The following RANBP9 variants were observed in gnomAD, a reference collection of about 807,000 sequenced individuals.
The protein encoded by RANBP9 is RAN binding protein 9.
Under a neutral mutation model 84.3 loss-of-function variants are expected in RANBP9, and 15 were observed. The ratio of observed to expected loss-of-function variants is 0.18; its 90% confidence interval spans 0.12 to 0.27. The LOEUF is 0.27. Ranked by LOEUF, RANBP9 falls within the 10% of genes least tolerant of loss-of-function variation. The pLI is 1.00. For missense variants in RANBP9, 809 were observed against 912.8 expected, an observed-to-expected ratio of 0.89 and a Z score of 1.46; for synonymous variants, 392 against 349.6, an observed-to-expected ratio of 1.12 and a Z score of -1.35.
intron 1 of RANBP9, among the ~76,000 whole-genome samples, chr6:13,706,622 G>A (rs1317268887): frequency 6.6e-6 from 1 of 151,652 alleles, no homozygotes; most frequent in African/African-American, 2.4e-5. Context: ...GAACCCGGGA[G>A]GCGGAGGTTG....
intron 4 of RANBP9, among the ~76,000 whole-genome samples, chr6:13,656,359 C>T (rs1432927226): frequency 6.6e-6 from 1 of 150,658 alleles, no homozygotes; most frequent in Admixed American, 6.6e-5. Flanking sequence ...TTTTATAAAA[C>T]AAAAAGCATC....
At chr6:13,708,058 T>G (rs1317693765) in intron 1 of RANBP9, among the ~76,000 whole-genome samples, 1 of 152,220 alleles carries the variant, frequency 6.6e-6, no homozygotes, top group Non-Finnish European at 1.5e-5. Context: ...CTAACATTAA[T>G]CTCTTCAAAT....
Position 13,711,392 on chromosome 6 carries a change from G to A in RANBP9, c.114C>T (p.Pro38=), listed in dbSNP as rs1401529774. 9 of 1,178,952 alleles carry A rather than the reference G, an allele frequency of 7.6e-6. No individual in the cohort carries two copies. The highest frequency in any genetic ancestry group is 4.2e-5 in the South Asian group (1 of 23,888). 73.0% of individuals were successfully genotyped at this position (1,178,952 alleles called of 1,614,324 possible). The change falls in exon 1 of 14, where the codon CCC becomes CCT. Residue 38 remains proline (P), a synonymous_variant. Transcript: ENST00000011619. ...GAGAAGAGCCGGCGCTGACGGCCGG[G>A]GGCGCCGGCAGGACGACTCCGGAGA... ...APVSGVVLPA[P]PAVSAGSSPA...
At chr6:13,686,118 CCCCCG>C (rs1766177618) in intron 2 of RANBP9, among the ~76,000 whole-genome samples, 1 of 37,006 alleles carries the variant, frequency 2.7e-5, no homozygotes. Context: ...CCCCCCCCGC[CCCCCG>C]AAATAGAGTC....
At chr6:13,680,039 G>A (rs548295590) in intron 2 of RANBP9, among the ~76,000 whole-genome samples, 2 of 152,170 alleles carry the variant, frequency 1.3e-5, no homozygotes, top group South Asian at 2.1e-4. Context: ...AAGAAAAGAG[G>A]AAAGAGAATG....
intron 9 of RANBP9, among the ~76,000 whole-genome samples, chr6:13,638,811 T>G (rs768680176): frequency 6.9e-4 from 104 of 150,954 alleles, no homozygotes; most frequent in Non-Finnish European, 1.2e-3. Context: ...GAAAACGAAC[T>G]AGGCAGAGCT....
chr6:13,697,862 A>T (rs1757878262), intron 1 of RANBP9, among the ~76,000 whole-genome samples: 1 of 152,202 alleles, frequency 6.6e-6, no homozygotes, highest in Non-Finnish European at 1.5e-5. Flanking sequence ...GTTCTAGTTA[A>T]ATATGCTCCA....
chr6:13,626,787 C>T (rs1764618505), intron 12 of RANBP9, among the ~76,000 whole-genome samples: 1 of 152,114 alleles, frequency 6.6e-6, no homozygotes, highest in South Asian at 2.1e-4. Flanking sequence ...TTCAGCTGCT[C>T]AAAAAACCAG....
intron 2 of RANBP9, among the ~76,000 whole-genome samples, chr6:13,676,072 A>G (rs1010026220): frequency 1.3e-5 from 2 of 152,112 alleles, no homozygotes; most frequent in Non-Finnish European, 2.9e-5. Context: ...AATAAACTCC[A>G]TCCATTGAAA....
Position 13,696,828 on chromosome 6 carries a change from T to C in RANBP9, c.640A>G (p.Ile214Val). The C allele has an allele frequency of 6.2e-7, 1 of 1,612,526 alleles. No homozygotes were observed. Among genetic ancestry groups the C allele is most frequent in the Non-Finnish European group, 8.5e-7 (1 of 1,179,060 alleles). Residue 214 changes from isoleucine to valine, a missense_variant, in exon 2 of 14, where the codon ATT (isoleucine) becomes GTT (valine). By Grantham distance (29) the Ile-to-Val change is conservative. Around this residue, in one of 5 missense-constraint regions of RANBP9, gnomAD observed 56 missense variants for 88.2 expected, o/e 0.63. Transcript: ENST00000011619. ...ACAATTTTTACTTCAAAATAATAAA[T>C]CCCACAGGCTGCTGGTATTGGATGC... ...ATHPIPAACG[I>V]YYFEVKIVSK...
At chr6:13,684,289 C>G (rs1766115162) in intron 2 of RANBP9, among the ~76,000 whole-genome samples, 2 of 152,174 alleles carry the variant, frequency 1.3e-5, no homozygotes, top group South Asian at 4.1e-4. Flanking sequence ...CCAAATGCAG[C>G]AAATCCACCT....
intron 2 of RANBP9, among the ~76,000 whole-genome samples, chr6:13,685,291 T>C (rs573015604): frequency 6.6e-6 from 1 of 152,282 alleles, no homozygotes; most frequent in African/African-American, 2.4e-5. Flanking sequence ...ACTTAGACTA[T>C]GCCACAGCCA....
intron 2 of RANBP9, among the ~76,000 whole-genome samples, chr6:13,679,603 TTGGTTAATAAAA>T (rs2113325430): frequency 6.6e-6 from 1 of 152,338 alleles, no homozygotes; most frequent in East Asian, 1.9e-4. Flanking sequence ...ACTGACATTT[TTGGTTAATAAAA>T]TTATTTATAT....
At chr6:13,698,126 A>G (rs539642312) in intron 1 of RANBP9, among the ~76,000 whole-genome samples, 5 of 152,274 alleles carry the variant, frequency 3.3e-5, no homozygotes, top group African/African-American at 1.2e-4. Flanking sequence ...TTGCAATGCA[A>G]ATTAGTACAT....
At chr6:13,707,687 G>A (rs1033860045) in intron 1 of RANBP9, among the ~76,000 whole-genome samples, 2 of 152,104 alleles carry the variant, frequency 1.3e-5, no homozygotes, top group Non-Finnish European at 2.9e-5. Context: ...GAAAATTCCA[G>A]GATCTTGTCC....
intron 6 of RANBP9, among the ~76,000 whole-genome samples, chr6:13,643,826 AGAT>A (rs1323048255): frequency 3.3e-5 from 5 of 152,206 alleles, no homozygotes; most frequent in South Asian, 4.1e-4. Flanking sequence ...TCTGTAATAC[AGAT>A]GATAATAGCT....
At position 13,710,918 on chromosome 6, in the gene RANBP9, G is replaced by A. The variant is rs763386064; in HGVS notation, c.571+17C>T. ...GGGTCAGTGCCCCACTCCCACCGCA[G>A]GACACACGCCCAGTACCTTTGTAGT... is the stretch of plus-strand genomic sequence containing the variant. On this transcript the variant is annotated intron_variant, in intron 1 of 13. Transcript: ENST00000011619. The A allele has an allele frequency of 6.9e-6, 11 of 1,589,886 alleles. No individual in the cohort carries two copies. The South Asian group carries it at 7.9e-5, about 11-fold the overall frequency.
chr6:13,663,512 T>C (rs73358353), intron 2 of RANBP9, among the ~76,000 whole-genome samples: 5 of 152,042 alleles, frequency 3.3e-5, no homozygotes, highest in African/African-American at 1.2e-4. Flanking sequence ...GTAATACATA[T>C]GACAATTACA....
chr6:13,711,552 C>T lies in RANBP9; in HGVS notation c.-47G>A, dbSNP rs1396909906. 2 of 1,236,052 alleles carry T rather than the reference C, an allele frequency of 1.6e-6. No individual in the cohort carries two copies. The highest frequency in any genetic ancestry group is 3.3e-5 in the South Asian group (1 of 30,300). The allele number at this position is 1,236,052 out of a possible 1,614,324, so 76.6% of individuals were successfully genotyped here. On this transcript the variant is annotated 5_prime_UTR_variant, in exon 1 of 14. Coordinates refer to ENST00000011619, the MANE Select transcript of RANBP9 (RefSeq NM_005493.3). ...GGCCACCTCCACCTCTTCTCTCCTT[C>T]CTCCTCTGCTTCCCGGGGGCGCTGT...
Sources: allele counts gnomAD v4.1 joint callset (sites outside exome capture counted in the v4.1 genomes callset), GRCh38; gene constraint gnomAD v4.1.1; regional missense constraint gnomAD v4.1.1; transcripts MANE v1.5; gene names NCBI Gene and HGNC (gene_info 2026-07-23, HGNC 2026-07-21).